The following IL3RA variants were observed in gnomAD, a reference collection of about 807,000 sequenced individuals.
The protein encoded by IL3RA is interleukin 3 receptor subunit alpha, also known as interleukin-3 receptor subunit alpha.
A neutral mutation model predicts 52.3 loss-of-function variants in IL3RA; 73 were observed. The ratio of observed to expected loss-of-function variants is 1.40; its 90% CI spans 1.16 to 1.70. The LOEUF (loss-of-function observed/expected upper bound fraction) is 1.70, where lower values mean the gene tolerates loss of function less well. Among genes scored for constraint, IL3RA ranks in the 40% most tolerant of loss-of-function variants. The pLI is 0.00. For missense variants in IL3RA, 664 were observed against 504.4 expected (o/e 1.32, Z -3.03); for synonymous variants, 260 against 194.0 (o/e 1.34, Z -2.83).
rs760731359 is a variant in IL3RA at position 1,368,689 on chromosome X, A to G, written c.874+3437A>G. On this transcript the variant is annotated intron_variant, in intron 9 of 11. Coordinates refer to ENST00000331035, the MANE Select transcript of IL3RA (RefSeq NM_002183.4). ...AGGAGATGAGGACACAGACACACAC[A>G]GAGGGACGACCCTGTGGGACACAGG... is the stretch of plus-strand genomic sequence containing the variant. 5.3e-4 allele frequency among the ~76,000 whole-genome samples: 80 copies of G among 151,978 alleles called. No homozygotes were observed. In the South Asian group the frequency reaches 9.4e-3, roughly 18 times the overall value.
intron 9 of IL3RA, among the ~76,000 whole-genome samples, chrX:1,368,728 C>T (rs1441457197): frequency 2.0e-5 from 3 of 150,604 alleles, no homozygotes; most frequent in African/African-American, 2.4e-5. Flanking sequence ...AAGACGGCGT[C>T]TCCAAGCCCA....
chrX:1,336,936 C>T lies in IL3RA; in HGVS notation c.-39+10C>T, dbSNP rs1379113037. 6.6e-6 allele frequency: 1 copy of T among 152,206 alleles called. No individual in the cohort carries two copies. The highest frequency in any genetic ancestry group is 1.5e-5 in the Non-Finnish European group (1 of 68,070). 9.4% of individuals were successfully genotyped at this position (152,206 alleles called of 1,614,324 possible). On this transcript the variant is annotated intron_variant, in intron 1 of 11. Transcript: ENST00000331035. The stretch of plus-strand genomic sequence containing the variant: ...TTGATCTCCATTTAAGGTAAGGTCC[C>T]CCCTCCAGGGTGGGATGAGGGAAAA...
At chrX:1,345,253 C>T (rs1382104972) in intron 2 of IL3RA, 63 bp from the exon 3 acceptor site, 110 of 1,045,998 alleles carry the variant, frequency 1.1e-4, no homozygotes, top group Non-Finnish European at 1.5e-4. Context: ...AAACCATACC[C>T]CTTACAATGC....
At position 1,345,416 on chromosome X, in the gene IL3RA, C is replaced by T. The variant is rs117588223; in HGVS notation, c.165C>T (p.Asp55=). 1,446 of 1,601,632 alleles carry T rather than the reference C, an allele frequency of 9.0e-4. 18 individuals carry two copies. The East Asian group carries it at 0.022, about 24-fold the overall frequency. ...TGACCGATATCGAGTGTGTTAAAGA[C>T]GCCGACTATTCTATGCCGGTAAATC... ...RNVTDIECVK[D]ADYSMPAVNN... The change falls in exon 3 of 12, where the codon GAC becomes GAT. Residue 55 remains aspartate, a synonymous_variant. Transcript: ENST00000331035.
intron 2 of IL3RA, among the ~76,000 whole-genome samples, chrX:1,342,828 C>T (rs1198005040): frequency 6.7e-6 from 1 of 149,906 alleles, no homozygotes; most frequent in Non-Finnish European, 1.5e-5. Context: ...GGATTACACA[C>T]TTTGGGAGGC....
chrX:1,377,148 G>C (rs1270584685), intron 9 of IL3RA, among the ~76,000 whole-genome samples: 1 of 152,200 alleles, frequency 6.6e-6, no homozygotes, highest in Non-Finnish European at 1.5e-5. Flanking sequence ...GGCCTCAGGA[G>C]GAACCAGCCC....
chrX:1,348,638 C>A (rs1217731392), intron 4 of IL3RA, 93 bp downstream of exon 4: 6 of 723,902 alleles, frequency 8.3e-6, no homozygotes, highest in Admixed American at 2.5e-5. Flanking sequence ...TTTTTCTTTT[C>A]TTTTTCTCTT....
At chrX:1,348,692 T>G (rs28425472) in intron 4 of IL3RA, 147 bp downstream of exon 4, 51,720 of 280,004 alleles carry the variant, frequency 0.18, 4,864 homozygotes, top group African/African-American at 0.23. Flanking sequence ...CTTTCTTTCT[T>G]TTTCTTTCTT....
rs373982897 is a variant in IL3RA at position 1,380,838 on chromosome X, G to A, written c.981-185G>A. Among the ~76,000 whole-genome samples, 95 of 151,782 alleles carry A rather than the reference G, an allele frequency of 6.3e-4. 1 individual carries two copies. Among genetic ancestry groups the A allele is most frequent in the African/African-American group, 2.2e-3 (89 of 41,386 alleles). Reference sequence around the variant, plus strand: ...CCTACTCCTTTAATTAGACACCAGCGCCTGCCTATGATGATGGTCGGGGGC... The same window carrying A: ...CCTACTCCTTTAATTAGACACCAGCACCTGCCTATGATGATGGTCGGGGGC... On this transcript the variant is annotated intron_variant, in intron 10 of 11. Transcript: ENST00000331035.
At position 1,358,821 on chromosome X, in the gene IL3RA, G is replaced by C. The variant is rs779120513; in HGVS notation, c.733-40G>C. ...TTGGGAGGAGGAGGCTTTCAGGGAC[G>C]GTCCAGACACTCAAAAGTTTGCTTG... is the stretch of plus-strand genomic sequence containing the variant. On this transcript the variant is annotated intron_variant, in intron 7 of 11. Coordinates refer to ENST00000331035, the MANE Select transcript of IL3RA (RefSeq NM_002183.4). The C allele has an allele frequency of 3.1e-6, 5 of 1,611,742 alleles. No homozygotes were observed. The Admixed American group carries it at 5.0e-5, about 16-fold the overall frequency.
chrX:1,367,631 G>C (rs1452415142), intron 9 of IL3RA, among the ~76,000 whole-genome samples: 9 of 107,716 alleles, frequency 8.4e-5, no homozygotes, highest in African/African-American at 3.5e-4. Flanking sequence ...GGGTGAGCGG[G>C]GTGCGCCGGG....
rs112024042 is a variant in IL3RA, at chrX:1,368,317, A to G, written c.874+3065A>G. On this transcript the variant is annotated intron_variant, in intron 9 of 11. Transcript: ENST00000331035. ...GTAGAACTTCTGGCCGGGCACGGTG[A>G]CTCATGCCTGCCATCCCAGCACTTT... Among the ~76,000 whole-genome samples, 1,472 of 152,070 alleles carry G rather than the reference A, an allele frequency of 9.7e-3. 16 individuals are homozygous for G. The highest frequency in any genetic ancestry group is 0.016 in the Non-Finnish European group (1,089 of 67,966).
chrX:1,356,366 C>A (rs776305451), intron 7 of IL3RA, 30 bp downstream of exon 7: 2 of 1,430,884 alleles, frequency 1.4e-6, no homozygotes. Context: ...CCAGCCCCCC[C>A]ACCCCCGTGG....
At chrX:1,347,678 C>T (rs1569520358) in intron 3 of IL3RA, among the ~76,000 whole-genome samples, 3 of 151,634 alleles carry the variant, frequency 2.0e-5, no homozygotes, top group Non-Finnish European at 2.9e-5. Context: ...GCAAAACAAA[C>T]AGAAAAGTAT....
intron 3 of IL3RA, among the ~76,000 whole-genome samples, chrX:1,346,083 G>A (rs1388709783): frequency 1.3e-4 from 19 of 151,928 alleles, no homozygotes; most frequent in African/African-American, 4.6e-4. Context: ...GGGAGGCTGA[G>A]GCGGGCGGAT....
intron 1 of IL3RA, among the ~76,000 whole-genome samples, chrX:1,337,487 C>G (rs1379449369): frequency 6.6e-6 from 1 of 152,120 alleles, no homozygotes; most frequent in Non-Finnish European, 1.5e-5. Context: ...TTCACAGTAG[C>G]CAAGAGGTGG....
At position 1,356,331 on chromosome X, in the gene IL3RA, CA is replaced by C; in HGVS notation, c.731del (p.Lys244ArgfsTer6). The C allele has an allele frequency of 3.7e-6, 6 of 1,607,004 alleles. No homozygotes were observed. Among genetic ancestry groups the C allele is most frequent in the Non-Finnish European group, 4.3e-6 (5 of 1,173,884 alleles). ...CAAATTTCGCTATGAGCTTCAGATA[CA>C]AAAGGTAAACTTTCACCCCGCCCCC... ...NRKFRYELQI[Q>X]KRMQPVITEQ... On this transcript the variant is annotated frameshift_variant, in exon 7 of 12. Transcript: ENST00000331035. LOFTEE classifies it high-confidence loss of function.
intron 8 of IL3RA, among the ~76,000 whole-genome samples, chrX:1,359,575 T>C (rs7059370): frequency 0.77 from 113,566 of 147,624 alleles, 44,532 homozygotes; most frequent in African/African-American, 0.9. Flanking sequence ...TGTCTATCTC[T>C]CCCTGTCCCC....
Position 1,350,601 on chromosome X carries a change from A to T in IL3RA, c.299-1499A>T, listed in dbSNP as rs185991415. Among the ~76,000 whole-genome samples, 230 of 147,124 alleles carry T rather than the reference A, an allele frequency of 1.6e-3. 7 individuals are homozygous for T. The highest frequency in any genetic ancestry group is 5.6e-3 in the African/African-American group (224 of 39,942). On this transcript the variant is annotated intron_variant, in intron 4 of 11. Transcript: ENST00000331035. The stretch of plus-strand genomic sequence containing the variant: ...TGAAATTCCATCTAAAAAAAAAAAA[A>T]AATTAAAAAGAAATTAGCGGCCGGG...
Sources: gnomAD v4.1 joint callset for allele counts (sites outside exome capture counted in the v4.1 genomes callset) on GRCh38, gnomAD v4.1.1 for gene constraint, MANE v1.5 for transcripts, NCBI Gene and HGNC (gene_info 2026-07-23, HGNC 2026-07-21) for gene names.